The following CCDC25 variants were observed in gnomAD, a reference collection of about 807,000 sequenced individuals.
CCDC25 encodes the protein coiled-coil domain-containing protein 25.
In CCDC25, 16 loss-of-function variants were observed where a neutral mutation model predicts 35.3. The ratio of observed to expected loss-of-function variants is 0.45; its 90% CI spans 0.31 to 0.69. The LOEUF (loss-of-function observed/expected upper bound fraction) is 0.69, where lower values mean the gene tolerates loss of function less well. CCDC25 is among the 30% of genes least tolerant of loss of function. The probability of loss-of-function intolerance (pLI) is 0.06; values close to 1 mark genes in which losing one functional copy is unlikely to be tolerated. For synonymous variants in CCDC25, 79 were observed against 80.3 expected (o/e 0.98, Z 0.09); for missense variants, 179 against 250.7 (o/e 0.71, Z 1.93).
chr8:27,739,147 C>T (rs184118279), intron 8 of CCDC25, among the ~76,000 whole-genome samples: 2 of 152,246 alleles, frequency 1.3e-5, no homozygotes, highest in African/African-American at 4.8e-5. Flanking sequence ...TCCCCCCCAC[C>T]TCAATTAGCA....
chr8:27,733,340 T>C lies in CCDC25; in HGVS notation c.*2876A>G, dbSNP rs1409499004. 1 of 152,250 alleles carries C rather than the reference T, an allele frequency of 6.6e-6. No individual in the cohort carries two copies. The highest frequency in any genetic ancestry group is 1.5e-5 in the Non-Finnish European group (1 of 68,048). 9.4% of individuals were successfully genotyped at this position (152,250 alleles called of 1,614,324 possible). A position where few individuals can be genotyped will look rare whatever the true frequency, so the allele number is the denominator to read the frequency against. ...GTTCTACTCAAACTATAAGCTTTTA[T>C]TATTGTATTTTACAGATCATTCATT... On this transcript the variant is annotated 3_prime_UTR_variant, in exon 9 of 9. Coordinates refer to ENST00000356537, the MANE Select transcript of CCDC25 (RefSeq NM_018246.3).
intron 3 of CCDC25, among the ~76,000 whole-genome samples, chr8:27,759,532 C>T (rs1804140186): frequency 1.3e-5 from 2 of 150,836 alleles, no homozygotes; most frequent in Non-Finnish European, 2.9e-5. Flanking sequence ...CCACTTGAAC[C>T]CGGGAGGTGG....
intron 4 of CCDC25, among the ~76,000 whole-genome samples, chr8:27,753,729 A>G (rs891436976): frequency 1.3e-5 from 2 of 152,234 alleles, no homozygotes; most frequent in Non-Finnish European, 2.9e-5. Flanking sequence ...TGGTAACACC[A>G]TAATTTATTT....
At chr8:27,744,898 T>C (rs370113647) in intron 7 of CCDC25, among the ~76,000 whole-genome samples, 2 of 152,224 alleles carry the variant, frequency 1.3e-5, no homozygotes, top group African/African-American at 4.8e-5. Flanking sequence ...AATGTTCAAA[T>C]TGATGATATA....
chr8:27,770,911 G>GT (rs1324948289), intron 1 of CCDC25, among the ~76,000 whole-genome samples: 1 of 152,144 alleles, frequency 6.6e-6, no homozygotes, highest in African/African-American at 2.4e-5. Context: ...AAGTACAGTA[G>GT]TCCCCCCTTA....
chr8:27,752,453 C>G, intron 5 of CCDC25, 59 bp downstream of exon 5: 1 of 1,265,564 alleles, frequency 7.9e-7, no homozygotes, highest in Non-Finnish European at 1.2e-6. Flanking sequence ...AAAATGTAAT[C>G]CATTTCAGAC....
At chr8:27,755,782 T>A (rs1477454014) in intron 4 of CCDC25, among the ~76,000 whole-genome samples, 3 of 152,116 alleles carry the variant, frequency 2.0e-5, no homozygotes, top group African/African-American at 7.2e-5. Context: ...AGAAAAAATA[T>A]CAGATAAATG....
chr8:27,758,654 ATAACTGAAAAG>A (rs995366675), intron 3 of CCDC25, among the ~76,000 whole-genome samples: 3 of 152,224 alleles, frequency 2.0e-5, no homozygotes, highest in Non-Finnish European at 2.9e-5. Context: ...AGTAACCAAG[ATAACTGAAAAG>A]TAACTTTACC....
chr8:27,756,817 T>C lies in CCDC25; in HGVS notation c.117-47A>G, dbSNP rs370283861. On this transcript the variant is annotated intron_variant, in intron 3 of 8. Transcript: ENST00000356537. ...TTTAGCAAGAGGTACAAGACAATCATCTCCTCAGGCCACATGCCATTTAAA... is the reference window on the plus strand; with the variant it reads ...TTTAGCAAGAGGTACAAGACAATCACCTCCTCAGGCCACATGCCATTTAAA... 814 of 1,327,442 alleles carry C rather than the reference T, an allele frequency of 6.1e-4. 1 individual carries two copies. The highest frequency in any genetic ancestry group is 1.8e-3 in the Middle Eastern group (10 of 5,592). The allele number at this position is 1,327,442 out of a possible 1,614,324, so 82.2% of individuals were successfully genotyped here. A position where few individuals can be genotyped will look rare whatever the true frequency, so the allele number is the denominator to read the frequency against.
rs534392446 is a variant in CCDC25 at position 27,745,842 on chromosome 8, T to A, written c.551+2235A>T. Reference sequence around the variant, plus strand: ...AAATAAACATAGCAATTGTTTTTGGTTTTCTGAGATCCATGGAGATTATTA... The same window carrying A: ...AAATAAACATAGCAATTGTTTTTGGATTTCTGAGATCCATGGAGATTATTA... On this transcript the variant is annotated intron_variant, in intron 7 of 8. Transcript: ENST00000356537. 1.4e-4 allele frequency among the ~76,000 whole-genome samples: 22 copies of A among 152,350 alleles called. No individual in the cohort carries two copies. The South Asian group carries it at 1.7e-3, about 11-fold the overall frequency.
chr8:27,769,098 C>T (rs573948721), intron 1 of CCDC25, among the ~76,000 whole-genome samples: 3 of 152,332 alleles, frequency 2.0e-5, no homozygotes, highest in East Asian at 3.9e-4. Flanking sequence ...GCAAGCCATA[C>T]AAATTCATTT....
chr8:27,751,512 T>G (rs1420076947), intron 5 of CCDC25, among the ~76,000 whole-genome samples: 4 of 152,214 alleles, frequency 2.6e-5, no homozygotes, highest in Non-Finnish European at 5.9e-5. Flanking sequence ...AGGGGAATGC[T>G]GCGCTGCTCT....
At chr8:27,754,456 A>T (rs1291979819) in intron 4 of CCDC25, 3 of 152,318 alleles carry the variant, frequency 2.0e-5, no homozygotes, top group Non-Finnish European at 4.4e-5. Context: ...GGGGAAAAAA[A>T]GTAGCTTACA....
chr8:27,769,800 T>G (rs1442847740), intron 1 of CCDC25, among the ~76,000 whole-genome samples: 3 of 152,096 alleles, frequency 2.0e-5, no homozygotes, highest in Admixed American at 6.5e-5. Context: ...AGAGAAAGTA[T>G]TGCCTTATTC....
chr8:27,740,421 C>A, intron 8 of CCDC25, 51 bp downstream of exon 8: 1 of 1,550,410 alleles, frequency 6.4e-7, no homozygotes, highest in Admixed American at 1.8e-5. Flanking sequence ...TATTAAAAAC[C>A]CTTAGTGAAT....
chr8:27,756,579 G>T, intron 4 of CCDC25, 140 bp downstream of exon 4: 1 of 622,022 alleles, frequency 1.6e-6, no homozygotes, highest in African/African-American at 1.9e-5. Flanking sequence ...TGGGTCAGAG[G>T]GAAGACACGT....
intron 8 of CCDC25, among the ~76,000 whole-genome samples, chr8:27,739,126 G>C (rs1036924783): frequency 6.6e-6 from 1 of 152,016 alleles, no homozygotes; most frequent in Non-Finnish European, 1.5e-5. Context: ...CCTTGCCCAA[G>C]GGATGTTTAA....
At chr8:27,771,830 G>T (rs1804629468) in intron 1 of CCDC25, 1 of 152,176 alleles carries the variant, frequency 6.6e-6, no homozygotes, top group Non-Finnish European at 1.5e-5. Flanking sequence ...GGAATTAGCT[G>T]GGGGTTGATT....
intron 5 of CCDC25, among the ~76,000 whole-genome samples, chr8:27,749,733 T>A (rs189903441): frequency 1.8e-4 from 28 of 151,982 alleles, no homozygotes; most frequent in Admixed American, 1.6e-3. Flanking sequence ...GGACTGTATA[T>A]CAGAACACAG....
Sources: allele counts gnomAD v4.1 joint callset (sites outside exome capture counted in the v4.1 genomes callset), GRCh38; gene constraint gnomAD v4.1.1; transcripts MANE v1.5; gene names NCBI Gene and HGNC (gene_info 2026-07-23, HGNC 2026-07-21).